C12orf56: variants seen among roughly 807,000 people sequenced by gnomAD.
C12orf56 encodes uncharacterized protein C12orf56.
A neutral mutation model predicts 69.9 loss-of-function variants in C12orf56; 71 were observed. That is an observed-to-expected ratio of 1.02 (90% confidence interval 0.84 to 1.24). C12orf56 has a LOEUF of 1.24. Ranked by LOEUF, C12orf56 falls within the 50% of genes most tolerant of loss-of-function variation. C12orf56 has a pLI of 0.00. For missense variants in C12orf56, 732 were observed against 738.5 expected (o/e 0.99, Z 0.10); for synonymous variants, 276 against 274.1 (o/e 1.01, Z -0.07).
chr12:64,363,455 G>A (rs1333941838), intron 1 of C12orf56, among the ~76,000 whole-genome samples: 1 of 152,130 alleles, frequency 6.6e-6, no homozygotes, highest in Non-Finnish European at 1.5e-5. Context: ...TTTGACCCAC[G>A]AGGGGGATAT....
chr12:64,270,625 C>T lies in C12orf56; in HGVS notation c.1674G>A (p.Leu558=), dbSNP rs887890489. The change falls in exon 12 of 13, where the codon TTG becomes TTA. Residue 558 remains leucine (L), a synonymous_variant. Coordinates refer to ENST00000543942, the MANE Select transcript of C12orf56 (RefSeq NM_001170633.2). ...TCTTGAGGATGTAAAATTGCTGGTA[C>T]AACAGAACTGCTTGGCAGGGACTTA... ...QLLSPCQAVL[L]YQQFYILKSC... 5 of 1,613,652 alleles carry T rather than the reference C, an allele frequency of 3.1e-6. No individual in the cohort carries two copies. The South Asian group carries it at 4.4e-5, about 14-fold the overall frequency.
chr12:64,334,749 C>T (rs2038971618), intron 2 of C12orf56, among the ~76,000 whole-genome samples: 1 of 151,924 alleles, frequency 6.6e-6, no homozygotes, highest in African/African-American at 2.4e-5. Context: ...TGTGGTATTA[C>T]TAAACTTTGG....
At chr12:64,301,492 A>T (rs1399320178) in intron 6 of C12orf56, among the ~76,000 whole-genome samples, 1 of 152,164 alleles carries the variant, frequency 6.6e-6, no homozygotes, top group Non-Finnish European at 1.5e-5. Flanking sequence ...CAGGACCTGG[A>T]CCCATTTAGA....
At position 64,302,646 on chromosome 12, in the gene C12orf56, T is replaced by C. The variant is rs554362285; in HGVS notation, c.1113+989A>G. Among the ~76,000 whole-genome samples the C allele has an allele frequency of 5.3e-5, 8 of 152,110 alleles. No individual in the cohort carries two copies. In the South Asian group the frequency reaches 1.7e-3, roughly 32 times the overall value. ...ATGGAGGCCTCATTAGCACCACCAT[T>C]AGCACCACACCAGGTCACTCCCCTG... On this transcript the variant is annotated intron_variant, in intron 6 of 12. Coordinates refer to ENST00000543942, the MANE Select transcript of C12orf56 (RefSeq NM_001170633.2).
At chr12:64,280,559 G>A (rs1391091061) in intron 8 of C12orf56, among the ~76,000 whole-genome samples, 2 of 152,106 alleles carry the variant, frequency 1.3e-5, no homozygotes, top group African/African-American at 4.8e-5. Flanking sequence ...ATGTTTGTCT[G>A]TCACTCTTGT....
Position 64,318,932 on chromosome 12 carries a change from A to T in C12orf56, c.537T>A (p.Pro179=). 6.5e-7 allele frequency: 1 copy of T among 1,535,470 alleles called. No homozygotes were observed. The highest frequency in any genetic ancestry group is 8.7e-7 in the Non-Finnish European group (1 of 1,146,078). Residue 179 remains proline, a synonymous_variant, in exon 4 of 13, where the codon CCT becomes CCA. Transcript: ENST00000543942. ...STPSKDSTLC[P]RPGLKKLSLH... ...GGGACAGCTTTTTGAGGCCTGGACG[A>T]GGACAGAGAGTTGAGTCCTTGGATG... is the stretch of plus-strand genomic sequence containing the variant.
chr12:64,328,376 A>G (rs2136858442), intron 3 of C12orf56, among the ~76,000 whole-genome samples: 1 of 152,154 alleles, frequency 6.6e-6, no homozygotes, highest in East Asian at 1.9e-4. Flanking sequence ...AAATAGAGAA[A>G]GTGTGTAACA....
intron 8 of C12orf56, among the ~76,000 whole-genome samples, chr12:64,281,336 C>T (rs1192893838): frequency 1.3e-5 from 2 of 151,566 alleles, no homozygotes; most frequent in African/African-American, 2.4e-5. Flanking sequence ...TTTGGGAGGC[C>T]GAGGCGGGTG....
Position 64,353,028 on chromosome 12 carries a change from G to A in C12orf56, c.281C>T (p.Ser94Leu), listed in dbSNP as rs747742410. The A allele has an allele frequency of 2.9e-5, 46 of 1,609,440 alleles. No homozygotes were observed. Among genetic ancestry groups the A allele is most frequent in the Middle Eastern group, 3.3e-4 (2 of 6,074 alleles). ...GTGTTGGCTGATTTCTCTATCTGGC[G>A]AACTCAAAAATTCCGGGTAATCATC... ...LIDDYPEFLS[S>L]PDREISQHIR... The change falls in exon 2 of 13, where the codon TCG becomes TTG. Residue 94 changes from serine (S) to leucine (L), a missense_variant. By Grantham distance (145) the Ser-to-Leu change is moderately radical (BLOSUM62 -2). Transcript: ENST00000543942.
At chr12:64,366,120 T>TTGTATAATATATAGTTTATATATTA (rs2039474065) in intron 1 of C12orf56, among the ~76,000 whole-genome samples, 9 of 128,212 alleles carry the variant, frequency 7.0e-5, no homozygotes, top group South Asian at 2.3e-4. Flanking sequence ...AATATATAGC[T>TTGTATAATATATAGTTTATATATTA]TGTATAATAT....
chr12:64,276,270 T>C (rs929463752), intron 9 of C12orf56, among the ~76,000 whole-genome samples: 3 of 152,146 alleles, frequency 2.0e-5, no homozygotes, highest in East Asian at 1.9e-4. Context: ...TACAATCTAG[T>C]TGGGGAACAA....
intron 3 of C12orf56, among the ~76,000 whole-genome samples, chr12:64,329,615 C>T (rs1298191390): frequency 5.4e-5 from 8 of 148,784 alleles, no homozygotes; most frequent in Non-Finnish European, 8.9e-5. Context: ...CATGCTGGTG[C>T]GCTGCACCCA....
chr12:64,270,417 C>G (rs1018448401), intron 12 of C12orf56, 119 bp downstream of exon 12: 15 of 961,542 alleles, frequency 1.6e-5, no homozygotes, highest in Non-Finnish European at 2.2e-5. Flanking sequence ...AACAAACAAA[C>G]AAAAAAGAAT....
At chr12:64,383,306 C>T (rs1334555879) in intron 1 of C12orf56, among the ~76,000 whole-genome samples, 1 of 138,078 alleles carries the variant, frequency 7.2e-6, no homozygotes, top group African/African-American at 2.9e-5. Context: ...AACAAAGTCT[C>T]AAAAAAAAAA....
intron 4 of C12orf56, among the ~76,000 whole-genome samples, chr12:64,317,219 T>C (rs10784403): frequency 0.45 from 67,987 of 151,918 alleles, 15,591 homozygotes; most frequent in African/African-American, 0.54. Context: ...GTCCTGTAAT[T>C]TTTCATAATT....
chr12:64,278,546 T>C (rs1227824170), intron 8 of C12orf56, among the ~76,000 whole-genome samples: 1 of 152,198 alleles, frequency 6.6e-6, no homozygotes, highest in Non-Finnish European at 1.5e-5. Flanking sequence ...TGTGTACATA[T>C]TTTATAAATC....
chr12:64,329,930 T>C (rs1394321240), intron 3 of C12orf56, among the ~76,000 whole-genome samples: 1 of 152,022 alleles, frequency 6.6e-6, no homozygotes, highest in Admixed American at 6.6e-5. Flanking sequence ...CTATCATTGT[T>C]GGACATTTGG....
At chr12:64,300,868 G>T (rs921971865) in intron 6 of C12orf56, among the ~76,000 whole-genome samples, 4 of 152,092 alleles carry the variant, frequency 2.6e-5, no homozygotes, top group African/African-American at 9.7e-5. Flanking sequence ...ATATGTTCTG[G>T]TTCTGTGTTC....
At chr12:64,308,948 A>AAAG (rs1306376334) in intron 5 of C12orf56, among the ~76,000 whole-genome samples, 48 of 52,082 alleles carry the variant, frequency 9.2e-4, no homozygotes, top group Non-Finnish European at 1.6e-3. Flanking sequence ...AAGAAGAAAG[A>AAAG]AAGAAAGAAA....
Sources: gnomAD v4.1 joint callset for allele counts (sites outside exome capture counted in the v4.1 genomes callset) on GRCh38, gnomAD v4.1.1 for gene constraint, MANE v1.5 for transcripts, NCBI Gene and HGNC (gene_info 2026-07-23, HGNC 2026-07-21) for gene names.